DCDC2: variants seen among roughly 807,000 people sequenced by gnomAD.
DCDC2 encodes doublecortin domain-containing protein 2.
DCDC2 carries 40 observed loss-of-function variants against 50.2 expected under a neutral mutation model. That is an observed-to-expected ratio of 0.80 (90% CI 0.62 to 1.04). The LOEUF (loss-of-function observed/expected upper bound fraction) is 1.04, where lower values mean the gene tolerates loss of function less well. Among genes scored for constraint, DCDC2 ranks in the 50% least tolerant of loss-of-function variants. The pLI, the probability that DCDC2 is intolerant of heterozygous loss-of-function variation, is 0.00. For missense variants in DCDC2, 570 were observed against 581.9 expected (o/e 0.98, Z 0.21); for synonymous variants, 234 against 210.6 (o/e 1.11, Z -0.96).
intron 4 of DCDC2, among the ~76,000 whole-genome samples, chr6:24,294,548 A>G (rs1416764532): frequency 6.6e-6 from 1 of 152,078 alleles, no homozygotes; most frequent in Non-Finnish European, 1.5e-5. Flanking sequence ...TTTTAAAAAA[A>G]AATTAATAAG....
chr6:24,196,047 A>G (rs1483164923), intron 8 of DCDC2, among the ~76,000 whole-genome samples: 1 of 152,236 alleles, frequency 6.6e-6, no homozygotes, highest in African/African-American at 2.4e-5. Flanking sequence ...CCCTCTGACT[A>G]AAATTACAAC....
chr6:24,219,336 T>C (rs1762049720), intron 7 of DCDC2, among the ~76,000 whole-genome samples: 1 of 152,210 alleles, frequency 6.6e-6, no homozygotes, highest in Non-Finnish European at 1.5e-5. Context: ...ATTACATGTA[T>C]TTAATAATTT....
rs73726647 is a variant in DCDC2 at position 24,309,653 on chromosome 6, A to G, written c.349-7609T>C. ...CTGTTCATAAAAAAGACAAGAAAGA[A>G]CAAAAACAAATATTAGATGGAACAA... On this transcript the variant is annotated intron_variant, in intron 2 of 9. Transcript: ENST00000378454. 1.3e-3 allele frequency among the ~76,000 whole-genome samples: 203 copies of G among 152,364 alleles called. 1 individual carries two copies. The highest frequency in any genetic ancestry group is 4.7e-3 in the African/African-American group (195 of 41,588).
At chr6:24,238,292 G>A (rs1762497004) in intron 7 of DCDC2, among the ~76,000 whole-genome samples, 2 of 148,554 alleles carry the variant, frequency 1.3e-5, no homozygotes, top group African/African-American at 5.0e-5. Context: ...TTCATTCCAT[G>A]CATCTCACAT....
Position 24,205,017 on chromosome 6 carries a change from C to G in DCDC2, c.1008G>C (p.Glu336Asp). ...TGGAGATTACCTGATCGACTGGAAC[C>G]TCAACCTGAGTATCTTCATCTTCTT... ...EVQEDEDTQV[E>D]VPVDQRPAEI... Residue 336 changes from glutamate (E) to aspartate (D), a missense_variant, in exon 8 of 10, where the codon GAG becomes GAC. Transcript: ENST00000378454. The G allele has an allele frequency of 6.2e-7, 1 of 1,613,830 alleles. No individual in the cohort carries two copies. The highest frequency in any genetic ancestry group is 8.5e-7 in the Non-Finnish European group (1 of 1,179,832).
At chr6:24,264,031 C>G (rs1317515010) in intron 7 of DCDC2, among the ~76,000 whole-genome samples, 1 of 152,166 alleles carries the variant, frequency 6.6e-6, no homozygotes, top group African/African-American at 2.4e-5. Context: ...TCAAATACAT[C>G]TGGTAGCAGA....
intron 7 of DCDC2, among the ~76,000 whole-genome samples, chr6:24,262,155 C>T (rs1438175962): frequency 2.0e-5 from 3 of 149,140 alleles, no homozygotes; most frequent in East Asian, 4.0e-4. Context: ...CTCGTGACAC[C>T]GAGAGAGAAT....
At chr6:24,198,454 A>G (rs909120765) in intron 8 of DCDC2, among the ~76,000 whole-genome samples, 4 of 152,216 alleles carry the variant, frequency 2.6e-5, no homozygotes, top group African/African-American at 9.6e-5. Flanking sequence ...CTGTGTCACG[A>G]GGAATGGTGC....
chr6:24,185,504 C>T (rs1030853311), intron 8 of DCDC2, among the ~76,000 whole-genome samples: 4 of 151,920 alleles, frequency 2.6e-5, no homozygotes, highest in Admixed American at 2.0e-4. Context: ...AACGACACTA[C>T]AATTCAGGGC....
the DCDC2 span, among the ~76,000 whole-genome samples, chr6:24,378,700 T>C: frequency 6.6e-6 from 1 of 151,860 alleles, no homozygotes; most frequent in Non-Finnish European, 1.5e-5. Flanking sequence ...CAAAGAAAAG[T>C]TTCAATATTA....
chr6:24,218,635 G>C (rs1421531811), intron 7 of DCDC2, among the ~76,000 whole-genome samples: 4 of 152,074 alleles, frequency 2.6e-5, no homozygotes, highest in Non-Finnish European at 5.9e-5. Flanking sequence ...CTACGGGCAT[G>C]CATCATCACA....
At chr6:24,213,603 T>C (rs1761922377) in intron 7 of DCDC2, among the ~76,000 whole-genome samples, 1 of 152,192 alleles carries the variant, frequency 6.6e-6, no homozygotes, top group Non-Finnish European at 1.5e-5. Flanking sequence ...TACATTCACA[T>C]GTGAAATATA....
At position 24,289,613 on chromosome 6, in the gene DCDC2, G is replaced by A. The variant is rs75682661; in HGVS notation, c.705-707C>T. 9.6e-3 allele frequency among the ~76,000 whole-genome samples: 1,457 copies of A among 152,316 alleles called. 25 individuals carry two copies. Among genetic ancestry groups the A allele is most frequent in the African/African-American group, 0.033 (1,372 of 41,578 alleles). On this transcript the variant is annotated intron_variant, in intron 5 of 9. Coordinates refer to ENST00000378454, the MANE Select transcript of DCDC2 (RefSeq NM_016356.5). ...AACCTAGGGCTGCTTAGCAAAGATG[G>A]CTAAAGATTTGATTTCATGGATGGG... is the stretch of plus-strand genomic sequence containing the variant.
At chr6:24,244,449 G>A (rs1226447466) in intron 7 of DCDC2, among the ~76,000 whole-genome samples, 1 of 152,190 alleles carries the variant, frequency 6.6e-6, no homozygotes, top group Admixed American at 6.5e-5. Flanking sequence ...TCAACCACAA[G>A]GGAAGCTCAC....
Position 24,240,768 on chromosome 6 carries a change from C to G in DCDC2, c.923-35666G>C, listed in dbSNP as rs540928735. Among the ~76,000 whole-genome samples the G allele has an allele frequency of 5.9e-5, 9 of 152,292 alleles. No homozygotes were observed. In the East Asian group the frequency reaches 1.7e-3, roughly 29 times the overall value. ...AAGTAACAGATAAAGCTGGGTAAGA[C>G]AGCAAATCAATCCCTTAGATGGCTG... is the stretch of plus-strand genomic sequence containing the variant. On this transcript the variant is annotated intron_variant, in intron 7 of 9. Coordinates refer to ENST00000378454, the MANE Select transcript of DCDC2 (RefSeq NM_016356.5).
At chr6:24,345,644 T>C (rs1054697514) in intron 2 of DCDC2, among the ~76,000 whole-genome samples, 14 of 152,228 alleles carry the variant, frequency 9.2e-5, no homozygotes, top group Admixed American at 8.5e-4. Context: ...ACTGTGGTCT[T>C]ACTTTTGAGG....
chr6:24,342,272 C>T (rs1760171814), intron 2 of DCDC2, among the ~76,000 whole-genome samples: 1 of 152,218 alleles, frequency 6.6e-6, no homozygotes, highest in Non-Finnish European at 1.5e-5. Flanking sequence ...TCCTCAAACC[C>T]TTTACTTTCA....
At chr6:24,287,047 C>G (rs779442678) in intron 6 of DCDC2, among the ~76,000 whole-genome samples, 1 of 152,198 alleles carries the variant, frequency 6.6e-6, no homozygotes, top group Non-Finnish European at 1.5e-5. Context: ...ATCTGATGCT[C>G]CCAAAATGGA....
Position 24,243,817 on chromosome 6 carries a change from C to T in DCDC2, c.922+34232G>A, listed in dbSNP as rs555728138. ...CAAGCAAACAGAGGCAACCCCAAAC[C>T]ACAGGAATGGGAATGGGGGTTGAGT... On this transcript the variant is annotated intron_variant, in intron 7 of 9. Transcript: ENST00000378454. Among the ~76,000 whole-genome samples the T allele has an allele frequency of 5.9e-5, 9 of 152,204 alleles. No homozygotes were observed. In the East Asian group the frequency reaches 1.7e-3, roughly 29 times the overall value.
Sources: allele counts gnomAD v4.1 joint callset (sites outside exome capture counted in the v4.1 genomes callset), GRCh38; gene constraint gnomAD v4.1.1; transcripts MANE v1.5; gene names NCBI Gene and HGNC (gene_info 2026-07-23, HGNC 2026-07-21).